Variants in SAE1 observed in about 807,000 individuals in gnomAD.
SAE1 encodes the protein SUMO1 activating enzyme subunit 1.
In SAE1, 11 loss-of-function variants were observed where a neutral mutation model predicts 40.6. The ratio of observed to expected loss-of-function variants is 0.27; its 90% CI spans 0.17 to 0.45. The LOEUF (loss-of-function observed/expected upper bound fraction) is 0.45, where lower values mean the gene tolerates loss of function less well. SAE1 is among the 20% of genes least tolerant of loss of function. SAE1 has a pLI of 1.00. For missense variants in SAE1, 373 were observed against 427.3 expected, an observed-to-expected ratio of 0.87 and a Z score of 1.12; for synonymous variants, 155 against 154.3, an observed-to-expected ratio of 1.00 and a Z score of -0.03.
At chr19:47,197,586 T>A (rs1195291334) in intron 7 of SAE1, among the ~76,000 whole-genome samples, 3 of 152,216 alleles carry the variant, frequency 2.0e-5, no homozygotes, top group Admixed American at 1.3e-4. Context: ...AATAAGTATC[T>A]TATATTCACG....
chr19:47,180,731 G>A (rs551890787), intron 6 of SAE1, among the ~76,000 whole-genome samples: 119 of 152,264 alleles, frequency 7.8e-4, no homozygotes, highest in Non-Finnish European at 1.4e-3. Flanking sequence ...GATGAGATGG[G>A]AGGATCGGTT....
intron 7 of SAE1, among the ~76,000 whole-genome samples, chr19:47,199,816 TG>T (rs774420818): frequency 6.6e-6 from 1 of 151,848 alleles, no homozygotes; most frequent in Non-Finnish European, 1.5e-5. Flanking sequence ...CACCAAGAGA[TG>T]AGTGCCCCAG....
At chr19:47,181,865 A>G (rs1416811220) in intron 6 of SAE1, among the ~76,000 whole-genome samples, 3 of 134,186 alleles carry the variant, frequency 2.2e-5, no homozygotes, top group Non-Finnish European at 4.6e-5. Flanking sequence ...GTGCAGTGGT[A>G]TGATCACAGC....
At position 47,154,265 on chromosome 19, in the gene SAE1, A is replaced by G. The variant is rs538025304; in HGVS notation, c.528-849A>G. Among the ~76,000 whole-genome samples, 3 of 149,242 alleles carry G rather than the reference A, an allele frequency of 2.0e-5. No individual in the cohort carries two copies. The Admixed American group carries it at 2.0e-4, about 10-fold the overall frequency. On this transcript the variant is annotated intron_variant, in intron 4 of 8. Coordinates refer to ENST00000270225, the MANE Select transcript of SAE1 (RefSeq NM_005500.3). ...GCCACCATGCCCGGCAAATTTTTGTATTTTTAGCAGAGACGGGGTTTCACT... is the reference window on the plus strand; with the variant it reads ...GCCACCATGCCCGGCAAATTTTTGTGTTTTTAGCAGAGACGGGGTTTCACT...
At position 47,155,749 on chromosome 19, in the gene SAE1, C is replaced by CTT. The variant is rs1425906351; in HGVS notation, c.627+552_627+553dup. ...GAGCCACCATGCCCGGCCCCATACCCTTTTTTTTTTTTTTTTTGAGATGGA... is the reference window on the plus strand; with the variant it reads ...GAGCCACCATGCCCGGCCCCATACCCTTTTTTTTTTTTTTTTTTTGAGATGGA... On this transcript the variant is annotated intron_variant, in intron 5 of 8. Transcript: ENST00000270225. Among the ~76,000 whole-genome samples the CTT allele has an allele frequency of 2.0e-3, 239 of 119,786 alleles. 1 individual carries two copies. Among genetic ancestry groups the CTT allele is most frequent in the African/African-American group, 6.9e-3 (217 of 31,676 alleles). 78.6% of individuals were successfully genotyped at this position (119,786 alleles called of 152,430 possible).
In SAE1 at chr19:47,202,735, A is replaced by G. The variant is rs2058662531; in HGVS notation, c.879-936A>G. On this transcript the variant is annotated intron_variant, in intron 7 of 8. Coordinates refer to ENST00000270225, the MANE Select transcript of SAE1 (RefSeq NM_005500.3). ...GAGACCATCCTGGCCAACATGGTGA[A>G]ACCCCGTCTCTACTAAAAATTCAGA... 3.4e-5 allele frequency among the ~76,000 whole-genome samples: 5 copies of G among 149,094 alleles called. No individual in the cohort carries two copies. The Admixed American group carries it at 3.4e-4, about 10-fold the overall frequency.
At chr19:47,136,828 G>C (rs1213154263) in intron 1 of SAE1, among the ~76,000 whole-genome samples, 1 of 152,120 alleles carries the variant, frequency 6.6e-6, no homozygotes, top group Non-Finnish European at 1.5e-5. Context: ...GAGTCGGAAG[G>C]GCAGTGATTT....
chr19:47,209,194 C>T lies in SAE1; in HGVS notation c.984C>T (p.Phe328=). 1 of 1,614,106 alleles carries T rather than the reference C, an allele frequency of 6.2e-7. No individual in the cohort carries two copies. Among genetic ancestry groups the T allele is most frequent in the Non-Finnish European group, 8.5e-7 (1 of 1,180,020 alleles). The part of the protein sequence containing the change: ...LSQRDPPHNN[F]FFFDGMKGNG... ...AGCGGGACCCTCCTCACAACAACTT[C>T]TTCTTCTTCGATGGCATGAAGGGGA... Residue 328 remains phenylalanine (F), a synonymous_variant, in exon 9 of 9, where the codon TTC becomes TTT. Transcript: ENST00000270225.
chr19:47,197,407 C>A, intron 7 of SAE1, 30 bp downstream of exon 7: 1 of 1,585,826 alleles, frequency 6.3e-7, no homozygotes, highest in Non-Finnish European at 8.6e-7. Context: ...ACTGTTTAGT[C>A]TGGACAGATA....
At chr19:47,147,522 G>A (rs1568588116) in intron 2 of SAE1, among the ~76,000 whole-genome samples, 1 of 151,566 alleles carries the variant, frequency 6.6e-6, no homozygotes, top group African/African-American at 2.4e-5. Flanking sequence ...GTGAGATCTT[G>A]GCTCACTGCA....
At chr19:47,188,177 C>A (rs534033095) in intron 6 of SAE1, among the ~76,000 whole-genome samples, 1 of 151,682 alleles carries the variant, frequency 6.6e-6, no homozygotes, top group Non-Finnish European at 1.5e-5. Context: ...GGTGAGACCT[C>A]GTCTCTACAA....
intron 7 of SAE1, among the ~76,000 whole-genome samples, chr19:47,199,670 A>G (rs2058640181): frequency 6.6e-6 from 1 of 152,114 alleles, no homozygotes; most frequent in African/African-American, 2.4e-5. Context: ...AGCCCCAGGT[A>G]TGCTCAGTGG....
intron 6 of SAE1, among the ~76,000 whole-genome samples, chr19:47,182,912 G>A (rs770015294): frequency 1.3e-5 from 2 of 152,050 alleles, no homozygotes; most frequent in African/African-American, 2.4e-5. Context: ...GCAACACCCT[G>A]TCTCTTTTTT....
intron 6 of SAE1, among the ~76,000 whole-genome samples, chr19:47,189,329 A>G (rs1171671605): frequency 2.0e-5 from 3 of 152,096 alleles, no homozygotes; most frequent in African/African-American, 7.2e-5. Context: ...AGGCTGAGGC[A>G]GGCGGATCAC....
chr19:47,138,192 T>C (rs1320145772), intron 1 of SAE1, among the ~76,000 whole-genome samples: 1 of 152,080 alleles, frequency 6.6e-6, no homozygotes, highest in Non-Finnish European at 1.5e-5. Context: ...TACAGGCGCC[T>C]GCTACCGCGC....
At chr19:47,186,073 C>T (rs2058542782) in intron 6 of SAE1, among the ~76,000 whole-genome samples, 1 of 151,450 alleles carries the variant, frequency 6.6e-6, no homozygotes, top group South Asian at 2.1e-4. Context: ...AACCCCGTCT[C>T]TACTAAAAAT....
At chr19:47,204,895 G>A (rs1417754967) in intron 8 of SAE1, among the ~76,000 whole-genome samples, 1 of 152,084 alleles carries the variant, frequency 6.6e-6, no homozygotes, top group African/African-American at 2.4e-5. Context: ...CTCTGTACAG[G>A]ATGACCCGTG....
rs186765781 is a variant in SAE1, at chr19:47,210,487, C to T, written c.*1236C>T. The T allele has an allele frequency of 1.3e-5, 2 of 152,316 alleles. No individual in the cohort carries two copies. Among genetic ancestry groups the T allele is most frequent in the Admixed American group, 1.3e-4 (2 of 15,300 alleles). The allele number at this position is 152,316 out of a possible 1,614,324, so 9.4% of individuals were successfully genotyped here. On this transcript the variant is annotated 3_prime_UTR_variant, in exon 9 of 9. Coordinates refer to ENST00000270225, the MANE Select transcript of SAE1 (RefSeq NM_005500.3). ...GTGATGCTTCATATGCCCCAAGTGC[C>T]ACAGCCGCTACGGGTCAGAGCTTTT...
chr19:47,146,646 C>G (rs1238197175), intron 2 of SAE1, among the ~76,000 whole-genome samples: 1 of 152,178 alleles, frequency 6.6e-6, no homozygotes, highest in Non-Finnish European at 1.5e-5. Context: ...CCCTGTTTTA[C>G]AGATGGGAAA....
Sources: gnomAD v4.1 joint callset for allele counts (sites outside exome capture counted in the v4.1 genomes callset) on GRCh38, gnomAD v4.1.1 for gene constraint, MANE v1.5 for transcripts, NCBI Gene and HGNC (gene_info 2026-07-23, HGNC 2026-07-21) for gene names.